The following LAMA2 variants were observed in gnomAD, a reference collection of about 807,000 sequenced individuals.
LAMA2 encodes the protein laminin subunit alpha-2.
A neutral mutation model predicts 364.8 loss-of-function variants in LAMA2; 269 were observed. The ratio of observed to expected loss-of-function variants is 0.74; its 90% confidence interval spans 0.67 to 0.82. The LOEUF (loss-of-function observed/expected upper bound fraction) is 0.82. LAMA2 is among the 40% of genes least tolerant of loss of function. LAMA2 has a pLI of 0.00. For missense variants in LAMA2, 3,807 were observed against 3,873.2 expected (o/e 0.98, Z 0.45); for synonymous variants, 1,379 against 1,370.6 (o/e 1.01, Z -0.14).
At chr6:129,148,284 A>G (rs1778591083) in intron 6 of LAMA2, among the ~76,000 whole-genome samples, 2 of 152,138 alleles carry the variant, frequency 1.3e-5, no homozygotes, top group African/African-American at 4.8e-5. Flanking sequence ...GTTCTCACTC[A>G]TAAATGAGAG....
intron 2 of LAMA2, among the ~76,000 whole-genome samples, chr6:129,054,114 A>C (rs1788295512): frequency 6.6e-6 from 1 of 152,216 alleles, no homozygotes; most frequent in Non-Finnish European, 1.5e-5. Context: ...TTCTTATTTG[A>C]TGATCTTGAT....
intron 34 of LAMA2, among the ~76,000 whole-genome samples, chr6:129,374,977 G>T (rs761443309): frequency 1.3e-5 from 2 of 149,816 alleles, no homozygotes; most frequent in African/African-American, 2.5e-5. Context: ...ACATGTCAAG[G>T]TTGATCCTGC....
In LAMA2 at chr6:129,149,014, C is replaced by A; in HGVS notation, c.945C>A (p.Gly315=). ...GTGAGTGTGAGCATAACACATGTGG[C>A]GATAGCTGTGATCAGTGCTGTCCAG... is the stretch of plus-strand genomic sequence containing the variant. The part of the protein sequence containing the change: ...SRCECEHNTC[G]DSCDQCCPGF... The change falls in exon 7 of 65, where the codon GGC becomes GGA. Residue 315 remains glycine (G), a synonymous_variant. Transcript: ENST00000421865. 6.2e-7 allele frequency: 1 copy of A among 1,613,328 alleles called. No homozygotes were observed. Among genetic ancestry groups the A allele is most frequent in the Non-Finnish European group, 8.5e-7 (1 of 1,179,400 alleles).
At chr6:129,415,478 C>T (rs1440194151) in intron 40 of LAMA2, among the ~76,000 whole-genome samples, 1 of 152,152 alleles carries the variant, frequency 6.6e-6, no homozygotes, top group Non-Finnish European at 1.5e-5. Flanking sequence ...TTTCTATCTC[C>T]TTGCTGGCAT....
intron 12 of LAMA2, among the ~76,000 whole-genome samples, chr6:129,227,594 T>C (rs1464257045): frequency 1.3e-5 from 2 of 152,204 alleles, no homozygotes; most frequent in Non-Finnish European, 2.9e-5. Context: ...GGAGGTCCAC[T>C]CCAGACCCTG....
intron 3 of LAMA2, among the ~76,000 whole-genome samples, chr6:129,070,156 C>T (rs1018914913): frequency 6.6e-6 from 1 of 151,960 alleles, no homozygotes; most frequent in Non-Finnish European, 1.5e-5. Flanking sequence ...TCAATTTGGT[C>T]TAGTGTAAAA....
intron 1 of LAMA2, among the ~76,000 whole-genome samples, chr6:128,924,446 T>G (rs1490127911): frequency 6.6e-6 from 1 of 152,186 alleles, no homozygotes; most frequent in African/African-American, 2.4e-5. Flanking sequence ...GGAGAAATTT[T>G]CCAGGTAAGT....
intron 27 of LAMA2, 72 bp from the exon 28 acceptor site, chr6:129,320,466 T>C: frequency 1.1e-6 from 1 of 889,620 alleles, no homozygotes; most frequent in Non-Finnish European, 1.9e-6. Flanking sequence ...GATATTGCTG[T>C]AGGATTGATT....
intron 36 of LAMA2, 101 bp from the exon 37 acceptor site, chr6:129,392,944 C>A: frequency 6.4e-6 from 6 of 940,386 alleles, no homozygotes; most frequent in Non-Finnish European, 4.9e-6. Context: ...TTTTCTCATT[C>A]TTTTCATGTT....
At chr6:129,338,863 C>T (rs774747518) in intron 29 of LAMA2, among the ~76,000 whole-genome samples, 9 of 150,586 alleles carry the variant, frequency 6.0e-5, no homozygotes, top group South Asian at 4.2e-4. Context: ...AAAGAGTATC[C>T]GCATAATTTG....
rs1379448267 is a variant in LAMA2 at position 129,314,020 on chromosome 6, A to G, written c.3412-635A>G. Among the ~76,000 whole-genome samples, 3 of 152,204 alleles carry G rather than the reference A, an allele frequency of 2.0e-5. No individual in the cohort carries two copies. In the East Asian group the frequency reaches 5.8e-4, roughly 29 times the overall value. ...ACAATAGCACCACTGTTTAAGACTC[A>G]ATGTTTTTATGTTGCTTTTGAAATT... On this transcript the variant is annotated intron_variant, in intron 23 of 64. Coordinates refer to ENST00000421865, the MANE Select transcript of LAMA2 (RefSeq NM_000426.4).
intron 4 of LAMA2, among the ~76,000 whole-genome samples, chr6:129,108,195 T>G (rs1379345102): frequency 3.3e-5 from 5 of 152,114 alleles, no homozygotes; most frequent in African/African-American, 9.7e-5. Flanking sequence ...CATATTTATA[T>G]TTATCAGTTT....
chr6:129,207,807 G>C (rs1385473766), intron 12 of LAMA2, among the ~76,000 whole-genome samples: 1 of 151,960 alleles, frequency 6.6e-6, no homozygotes, highest in Non-Finnish European at 1.5e-5. Context: ...AAACCTGTTG[G>C]TCAAGAAAGT....
chr6:129,267,057 CT>C lies in LAMA2; in HGVS notation c.2209-44del, dbSNP rs1342759118. The C allele has an allele frequency of 2.3e-5, 27 of 1,188,642 alleles. No individual in the cohort carries two copies. The East Asian group carries it at 5.6e-4, about 25-fold the overall frequency. 73.6% of individuals were successfully genotyped at this position (1,188,642 alleles called of 1,614,324 possible). On this transcript the variant is annotated intron_variant, in intron 15 of 64. Coordinates refer to ENST00000421865, the MANE Select transcript of LAMA2 (RefSeq NM_000426.4). ...AACAAACACAAACAAACAAAAACAC[CT>C]TTTTGTTTTAATCTCCAAGACTGAC... is the stretch of plus-strand genomic sequence containing the variant.
chr6:129,426,131 T>G (rs1482173931), intron 40 of LAMA2, among the ~76,000 whole-genome samples: 3 of 152,152 alleles, frequency 2.0e-5, no homozygotes, highest in Non-Finnish European at 4.4e-5. Flanking sequence ...AGACCTACTT[T>G]ACCTCTATAC....
chr6:129,087,965 G>A (rs1366014251), intron 3 of LAMA2, among the ~76,000 whole-genome samples: 1 of 144,490 alleles, frequency 6.9e-6, no homozygotes, highest in African/African-American at 2.5e-5. Flanking sequence ...CAGGGTCACG[G>A]GACAATAGTG....
At chr6:128,933,421 A>G (rs752326413) in intron 1 of LAMA2, among the ~76,000 whole-genome samples, 1 of 152,170 alleles carries the variant, frequency 6.6e-6, no homozygotes, top group Non-Finnish European at 1.5e-5. Flanking sequence ...CACCTTTTAA[A>G]ATATATAGCT....
At chr6:129,458,583 T>A (rs1466776062) in intron 48 of LAMA2, among the ~76,000 whole-genome samples, 1 of 151,920 alleles carries the variant, frequency 6.6e-6, no homozygotes, top group Non-Finnish European at 1.5e-5. Flanking sequence ...AGTAGGATAA[T>A]CAATCTCTAG....
chr6:129,159,608 C>T (rs189523619), intron 8 of LAMA2, among the ~76,000 whole-genome samples: 1 of 152,330 alleles, frequency 6.6e-6, no homozygotes, highest in East Asian at 1.9e-4. Context: ...TACATTCAGG[C>T]TTACTTCTTC....
Sources: gnomAD v4.1 joint callset for allele counts (sites outside exome capture counted in the v4.1 genomes callset) on GRCh38, gnomAD v4.1.1 for gene constraint, MANE v1.5 for transcripts, NCBI Gene and HGNC (gene_info 2026-07-23, HGNC 2026-07-21) for gene names.